GRIN2B: variants seen among roughly 807,000 people sequenced by gnomAD.
GRIN2B encodes glutamate ionotropic receptor NMDA type subunit 2B, also known as glutamate receptor ionotropic, NMDA 2B.
A neutral mutation model predicts 114.5 loss-of-function variants in GRIN2B; 5 were observed. The observed-to-expected ratio is 0.04, with a 90% CI of 0.02 to 0.09. The LOEUF (loss-of-function observed/expected upper bound fraction) is 0.09. Ranked by LOEUF, GRIN2B falls within the 10% of genes least tolerant of loss-of-function variation. The pLI, the probability that GRIN2B is intolerant of heterozygous loss-of-function variation, is 1.00. For missense variants in GRIN2B, 1,108 were observed against 1,943.5 expected, an observed-to-expected ratio of 0.57 and a Z score of 8.08; for synonymous variants, 787 against 745.1, an observed-to-expected ratio of 1.06 and a Z score of -0.92.
At chr12:13,867,316 A>T (rs16909523) in intron 2 of GRIN2B, among the ~76,000 whole-genome samples, 2,047 of 152,288 alleles carry the variant, frequency 0.013, 46 homozygotes, top group African/African-American at 0.047. Context: ...TATTCTATGC[A>T]TCAAACTAAG....
intron 5 of GRIN2B, among the ~76,000 whole-genome samples, chr12:13,619,125 A>G (rs1949484964): frequency 6.6e-6 from 1 of 152,244 alleles, no homozygotes; most frequent in Admixed American, 6.5e-5. Flanking sequence ...AAAATTGCAG[A>G]CAACAGAAAA....
At chr12:13,913,897 T>C (rs779416494) in intron 2 of GRIN2B, among the ~76,000 whole-genome samples, 4 of 152,192 alleles carry the variant, frequency 2.6e-5, no homozygotes, top group Admixed American at 6.5e-5. Flanking sequence ...ATCTACCTCA[T>C]AGAGTAGCTG....
At chr12:13,670,620 C>T (rs900851771) in intron 5 of GRIN2B, among the ~76,000 whole-genome samples, 11 of 152,202 alleles carry the variant, frequency 7.2e-5, no homozygotes, top group African/African-American at 2.6e-4. Flanking sequence ...CATCTCTGTG[C>T]CAGACTATTT....
chr12:13,882,090 A>C (rs546124618), intron 2 of GRIN2B, among the ~76,000 whole-genome samples: 69 of 152,320 alleles, frequency 4.5e-4, no homozygotes, highest in African/African-American at 1.6e-3. Context: ...AGTCTTTCTT[A>C]CACAAATCTC....
At chr12:13,579,965 ACT>A (rs1449448296) in intron 10 of GRIN2B, among the ~76,000 whole-genome samples, 1 of 152,160 alleles carries the variant, frequency 6.6e-6, no homozygotes, top group Admixed American at 6.5e-5. Context: ...CACCAGAGGA[ACT>A]CTCTGCTTTA....
intron 10 of GRIN2B, among the ~76,000 whole-genome samples, chr12:13,574,695 T>C (rs1205446770): frequency 3.3e-5 from 5 of 152,174 alleles, no homozygotes; most frequent in Non-Finnish European, 7.3e-5. Context: ...TTTTAAATTA[T>C]TTTTAGATTT....
chr12:13,893,290 T>G (rs1866294423), intron 2 of GRIN2B, among the ~76,000 whole-genome samples: 1 of 152,160 alleles, frequency 6.6e-6, no homozygotes, highest in Non-Finnish European at 1.5e-5. Context: ...GAAGCATGTG[T>G]TTCTATTTTT....
At chr12:13,828,374 T>C (rs1457145093) in intron 3 of GRIN2B, among the ~76,000 whole-genome samples, 1 of 152,202 alleles carries the variant, frequency 6.6e-6, no homozygotes, top group Admixed American at 6.5e-5. Context: ...TATGGCTCCT[T>C]GATAATTGTT....
At chr12:13,717,207 C>T (rs959941058) in intron 4 of GRIN2B, among the ~76,000 whole-genome samples, 1 of 151,320 alleles carries the variant, frequency 6.6e-6, no homozygotes, top group African/African-American at 2.4e-5. Flanking sequence ...TAAATAGCTA[C>T]TAAGTGGTTA....
intron 4 of GRIN2B, among the ~76,000 whole-genome samples, chr12:13,687,591 G>C (rs1406666377): frequency 6.6e-6 from 1 of 152,188 alleles, no homozygotes; most frequent in Non-Finnish European, 1.5e-5. Flanking sequence ...TGAATGCTCA[G>C]ATCAAACTTA....
chr12:13,896,667 T>C (rs958000056), intron 2 of GRIN2B, among the ~76,000 whole-genome samples: 2 of 152,158 alleles, frequency 1.3e-5, no homozygotes, highest in Non-Finnish European at 2.9e-5. Context: ...GTAAAGTCCT[T>C]GAAAAAGAAA....
chr12:13,826,802 G>A (rs1235932059), intron 3 of GRIN2B, among the ~76,000 whole-genome samples: 1 of 151,824 alleles, frequency 6.6e-6, no homozygotes, highest in African/African-American at 2.4e-5. Context: ...TATGTCTGAT[G>A]TTCTTCAATC....
upstream of GRIN2B, among the ~76,000 whole-genome samples, chr12:13,982,109 T>C (rs1481144504): frequency 2.9e-5 from 4 of 137,732 alleles, no homozygotes; most frequent in East Asian, 2.5e-4. Flanking sequence ...CGTCATGTGC[T>C]GGGGAAGTGG....
At chr12:13,976,592 C>T (rs557052705) in intron 2 of GRIN2B, among the ~76,000 whole-genome samples, 1 of 152,282 alleles carries the variant, frequency 6.6e-6, no homozygotes, top group South Asian at 2.1e-4. Context: ...GCTTTTTTCT[C>T]TTCCCTAGCT....
intron 2 of GRIN2B, among the ~76,000 whole-genome samples, chr12:13,916,402 A>G (rs1392185554): frequency 6.6e-6 from 1 of 152,160 alleles, no homozygotes; most frequent in Non-Finnish European, 1.5e-5. Flanking sequence ...GGAAGGCATG[A>G]GTCTTGTGTG....
chr12:13,833,818 G>A (rs527759081), intron 3 of GRIN2B, among the ~76,000 whole-genome samples: 32 of 152,036 alleles, frequency 2.1e-4, no homozygotes, highest in Non-Finnish European at 4.1e-4. Flanking sequence ...GGCACAGCAG[G>A]TATCACAGGT....
chr12:13,873,561 C>T (rs1865946177), intron 2 of GRIN2B, among the ~76,000 whole-genome samples: 1 of 152,192 alleles, frequency 6.6e-6, no homozygotes, highest in Middle Eastern at 3.2e-3. Flanking sequence ...TTTCCTCCCT[C>T]TCACACTATT....
chr12:13,808,743 TAAAAAA>T (rs61197260), intron 3 of GRIN2B, among the ~76,000 whole-genome samples: 150 of 114,662 alleles, frequency 1.3e-3, no homozygotes, highest in East Asian at 4.9e-3. Context: ...TAAAGTATAA[TAAAAAA>T]AAAATATATA....
At chr12:13,622,412 A>G (rs972084144) in intron 5 of GRIN2B, among the ~76,000 whole-genome samples, 2 of 152,174 alleles carry the variant, frequency 1.3e-5, no homozygotes, top group Non-Finnish European at 1.5e-5. Context: ...GACTCTGAAT[A>G]GAGCAGAAAT....
Sources: gnomAD v4.1 joint callset for allele counts (sites outside exome capture counted in the v4.1 genomes callset) on GRCh38, gnomAD v4.1.1 for gene constraint, MANE v1.5 for transcripts, NCBI Gene and HGNC (gene_info 2026-07-23, HGNC 2026-07-21) for gene names.